The following PTPN12 variants were observed in gnomAD, a reference collection of about 807,000 sequenced individuals.
PTPN12 encodes protein tyrosine phosphatase non-receptor type 12, also known as tyrosine-protein phosphatase non-receptor type 12.
Under a neutral mutation model 97.6 loss-of-function variants are expected in PTPN12, and 29 were observed. That is an observed-to-expected ratio of 0.30 (90% CI 0.22 to 0.41). The LOEUF (loss-of-function observed/expected upper bound fraction) is 0.41, where lower values mean the gene tolerates loss of function less well. Among genes scored for constraint, PTPN12 ranks in the 10% least tolerant of loss-of-function variants. PTPN12 has a pLI of 1.00. For synonymous variants in PTPN12, 327 were observed against 300.4 expected (o/e 1.09, Z -0.91); for missense variants, 819 against 926.0 (o/e 0.88, Z 1.50).
chr7:77,623,704 ACTCTGT>A (rs1789027410), intron 12 of PTPN12, among the ~76,000 whole-genome samples: 1 of 152,056 alleles, frequency 6.6e-6, no homozygotes, highest in African/African-American at 2.4e-5. Context: ...ACAGAATGAG[ACTCTGT>A]CTCAATAAAA....
Position 77,585,584 on chromosome 7 carries a change from A to G in PTPN12, c.420+3A>G. The G allele has an allele frequency of 6.3e-7, 1 of 1,595,304 alleles. No individual in the cohort carries two copies. Among genetic ancestry groups the G allele is most frequent in the East Asian group, 2.2e-5 (1 of 44,644 alleles). On this transcript the variant is annotated splice_donor_region_variant and intron_variant, in intron 5 of 17. Coordinates refer to ENST00000248594, the MANE Select transcript of PTPN12 (RefSeq NM_002835.4). Reference sequence around the variant, plus strand: ...GCCGAGAATTTGAGATGGGAAGGGTATGTATAATCTATTCCTCTTACTATT... The same window carrying G: ...GCCGAGAATTTGAGATGGGAAGGGTGTGTATAATCTATTCCTCTTACTATT...
At chr7:77,553,992 G>A (rs1807591096) in intron 1 of PTPN12, among the ~76,000 whole-genome samples, 1 of 151,834 alleles carries the variant, frequency 6.6e-6, no homozygotes, top group Non-Finnish European at 1.5e-5. Context: ...AAAGAGACAA[G>A]GTGTCGCTTA....
At chr7:77,564,765 T>TTTTTTTTTTTG (rs1808183693) in intron 1 of PTPN12, among the ~76,000 whole-genome samples, 1 of 110,542 alleles carries the variant, frequency 9.0e-6, no homozygotes, top group African/African-American at 3.4e-5. Context: ...TTTTTTTTTT[T>TTTTTTTTTTTG]TTTTTTTTTT....
chr7:77,605,409 G>GGGTTTTTTTTTTTT (rs1554321255), intron 8 of PTPN12, among the ~76,000 whole-genome samples: 1 of 95,560 alleles, frequency 1.0e-5, no homozygotes. Flanking sequence ...TTTGTCATGA[G>GGGTTTTTTTTTTTT]TTTTTTTTTT....
intron 1 of PTPN12, among the ~76,000 whole-genome samples, chr7:77,541,204 A>G (rs955555426): frequency 6.6e-6 from 1 of 151,954 alleles, no homozygotes; most frequent in Non-Finnish European, 1.5e-5. Context: ...TGATCCTCCC[A>G]CTTCAGCCTC....
At position 77,618,464 on chromosome 7, in the gene PTPN12, T is replaced by C; in HGVS notation, c.940-16T>C. ...TTTTTCTCTTAACCTTAGTGAAGTA[T>C]TTTTTCCCTTGGCAGAATGAAATTA... On this transcript the variant is annotated splice_polypyrimidine_tract_variant and intron_variant, in intron 11 of 17. Transcript: ENST00000248594. 1 of 1,526,782 alleles carries C rather than the reference T, an allele frequency of 6.5e-7. No individual in the cohort carries two copies. Among genetic ancestry groups the C allele is most frequent in the Non-Finnish European group, 9.0e-7 (1 of 1,115,114 alleles). 94.6% of individuals were successfully genotyped at this position (1,526,782 alleles called of 1,614,324 possible). A position where few individuals can be genotyped will look rare whatever the true frequency, so the allele number is the denominator to read the frequency against.
chr7:77,615,615 G>A (rs1182562898), intron 11 of PTPN12, among the ~76,000 whole-genome samples: 1 of 152,158 alleles, frequency 6.6e-6, no homozygotes, highest in African/African-American at 2.4e-5. Flanking sequence ...CCTGGGTATG[G>A]TAGCACGTGC....
intron 12 of PTPN12, among the ~76,000 whole-genome samples, chr7:77,625,988 GA>G: frequency 6.6e-6 from 1 of 152,292 alleles, no homozygotes; most frequent in Non-Finnish European, 1.5e-5. Context: ...AAACCAGAGA[GA>G]ACATTAGCTC....
At chr7:77,609,705 C>T (rs1303146994) in intron 9 of PTPN12, among the ~76,000 whole-genome samples, 2 of 150,654 alleles carry the variant, frequency 1.3e-5, no homozygotes, top group South Asian at 4.2e-4. Flanking sequence ...ACGGTGAAAC[C>T]CTGTCTCTAC....
intron 9 of PTPN12, among the ~76,000 whole-genome samples, chr7:77,607,515 T>A (rs185028460): frequency 7.9e-5 from 12 of 152,342 alleles, no homozygotes; most frequent in Middle Eastern, 3.4e-3. Context: ...GGAGGATCGC[T>A]TGAGCCCTGG....
At chr7:77,598,758 G>C (rs777160838) in intron 7 of PTPN12, among the ~76,000 whole-genome samples, 6 of 151,610 alleles carry the variant, frequency 4.0e-5, no homozygotes, top group Non-Finnish European at 8.8e-5. Flanking sequence ...GTTTTATTTG[G>C]TAAAATGGGT....
chr7:77,602,592 C>G (rs1045714766), intron 8 of PTPN12, among the ~76,000 whole-genome samples: 7 of 151,340 alleles, frequency 4.6e-5, no homozygotes, highest in African/African-American at 1.5e-4. Context: ...TGCACTCCAG[C>G]CTGGGTGACA....
intron 1 of PTPN12, among the ~76,000 whole-genome samples, chr7:77,539,241 T>G (rs370269494): frequency 1.3e-5 from 2 of 152,314 alleles, no homozygotes; most frequent in East Asian, 3.9e-4. Context: ...GCTTTGTGAT[T>G]CCCGCCTCCC....
At chr7:77,607,466 C>T (rs1386807222) in intron 9 of PTPN12, 165 bp downstream of exon 9, 2 of 521,826 alleles carry the variant, frequency 3.8e-6, no homozygotes, top group Non-Finnish European at 6.5e-6. Flanking sequence ...GGCACAGTGG[C>T]TTACGCCTGT....
chr7:77,538,487 C>A (rs560755247), intron 1 of PTPN12, among the ~76,000 whole-genome samples: 1 of 152,042 alleles, frequency 6.6e-6, no homozygotes, highest in East Asian at 2.0e-4. Context: ...GGGGCGGAGG[C>A]GACGCTACGG....
At chr7:77,552,785 A>G (rs1807536939) in intron 1 of PTPN12, among the ~76,000 whole-genome samples, 1 of 152,226 alleles carries the variant, frequency 6.6e-6, no homozygotes, top group Admixed American at 6.5e-5. Flanking sequence ...TTATATAGGT[A>G]TTAGACCTGG....
At chr7:77,601,877 A>G (rs944371762) in intron 8 of PTPN12, among the ~76,000 whole-genome samples, 2 of 152,194 alleles carry the variant, frequency 1.3e-5, no homozygotes, top group African/African-American at 4.8e-5. Flanking sequence ...AAAACTATTG[A>G]TACACATTTA....
intron 1 of PTPN12, among the ~76,000 whole-genome samples, chr7:77,555,029 T>A (rs1410245391): frequency 6.6e-6 from 1 of 152,118 alleles, no homozygotes; most frequent in South Asian, 2.1e-4. Context: ...TCTCTTTGGT[T>A]TTTGAAGGAT....
At chr7:77,581,941 C>G (rs1471356795) in intron 3 of PTPN12, among the ~76,000 whole-genome samples, 1 of 152,110 alleles carries the variant, frequency 6.6e-6, no homozygotes, top group Admixed American at 6.5e-5. Context: ...CTGGATAATA[C>G]TGATTTAAAA....
Sources: gnomAD v4.1 joint callset for allele counts (sites outside exome capture counted in the v4.1 genomes callset) on GRCh38, gnomAD v4.1.1 for gene constraint, MANE v1.5 for transcripts, NCBI Gene and HGNC (gene_info 2026-07-23, HGNC 2026-07-21) for gene names.